The following POLI variants were observed in gnomAD, a reference collection of about 807,000 sequenced individuals.
The protein encoded by POLI is DNA polymerase iota.
A neutral mutation model predicts 51.6 loss-of-function variants in POLI; 58 were observed. That is an observed-to-expected ratio of 1.12 (90% CI 0.91 to 1.40). The LOEUF is 1.40. Among genes scored for constraint, POLI ranks in the 40% most tolerant of loss-of-function variants. The pLI is 0.00. For missense variants in POLI, 921 were observed against 871.3 expected, an observed-to-expected ratio of 1.06 and a Z score of -0.72; for synonymous variants, 322 against 299.7, an observed-to-expected ratio of 1.07 and a Z score of -0.77.
chr18:54,274,565 TTATA>T (rs1234991182), intron 3 of POLI, among the ~76,000 whole-genome samples: 1 of 151,810 alleles, frequency 6.6e-6, no homozygotes, highest in African/African-American at 2.4e-5. Context: ...TTCTTAGGTT[TTATA>T]TATATACTAA....
At chr18:54,284,833 G>A (rs1030065757) in intron 7 of POLI, 1 of 152,176 alleles carries the variant, frequency 6.6e-6, no homozygotes, top group Non-Finnish European at 1.5e-5. Context: ...ATTTAATTTT[G>A]TGGTGCTCCT....
At chr18:54,311,021 G>T (rs2088662710) in intron 3 of POLI, 2 of 745,420 alleles carry the variant, frequency 2.7e-6, no homozygotes, top group South Asian at 6.0e-5. Context: ...GCTTCCTGAA[G>T]TGCTAGGAAG....
intron 4 of POLI, among the ~76,000 whole-genome samples, chr18:54,279,162 A>T (rs995299577): frequency 1.3e-5 from 2 of 152,068 alleles, no homozygotes; most frequent in African/African-American, 4.8e-5. Flanking sequence ...TTCCTCTTTC[A>T]TACAGATTTT....
chr18:54,282,969 G>C lies in POLI; in HGVS notation c.929G>C (p.Ser310Thr), dbSNP rs2087580468. The change falls in exon 6 of 10, where the codon AGT becomes ACT. Residue 310 changes from serine (S) to threonine (T), a missense_variant. Physicochemically the swap from Ser to Thr is moderately conservative, Grantham distance 58 (BLOSUM62 1). Transcript: ENST00000579534. ...GTTGCTCAGCGTATCCAAAAGCTCA[G>C]TTTTGGAGAGGATAACTCCCCTGTG... is the stretch of plus-strand genomic sequence containing the variant. ...ISVAQRIQKL[S>T]FGEDNSPVIL... 3 of 1,611,190 alleles carry C rather than the reference G, an allele frequency of 1.9e-6. No individual in the cohort carries two copies. Among genetic ancestry groups the C allele is most frequent in the Middle Eastern group, 1.7e-4 (1 of 6,056 alleles).
chr18:54,297,733 C>T lies in POLI; in HGVS notation c.*3266C>T. 4 of 971,178 alleles carry T rather than the reference C, an allele frequency of 4.1e-6. No homozygotes were observed. The highest frequency in any genetic ancestry group is 4.9e-6 in the Non-Finnish European group (4 of 817,016). 60.2% of individuals were successfully genotyped at this position (971,178 alleles called of 1,614,324 possible). On this transcript the variant is annotated 3_prime_UTR_variant, in exon 10 of 10. Coordinates refer to ENST00000579534, the MANE Select transcript of POLI (RefSeq NM_007195.3). ...CTTAAACATCTAAAAATGCTACCCT[C>T]TTTCCAAACAACACAAAGGTATTGA...
In POLI at chr18:54,295,846, T is replaced by C. The variant is rs1016161709; in HGVS notation, c.*1379T>C. On this transcript the variant is annotated 3_prime_UTR_variant, in exon 10 of 10. Coordinates refer to ENST00000579534, the MANE Select transcript of POLI (RefSeq NM_007195.3). ...TTTCACCATATTGGCCAGGCTGGTC[T>C]CGAACTCCTGGTCTCAGGTGATCCT... is the stretch of plus-strand genomic sequence containing the variant. 7 of 455,258 alleles carry C rather than the reference T, an allele frequency of 1.5e-5. No individual in the cohort carries two copies. Among genetic ancestry groups the C allele is most frequent in the Non-Finnish European group, 2.0e-5 (7 of 345,732 alleles). 28.2% of individuals were successfully genotyped at this position (455,258 alleles called of 1,614,324 possible). A position where few individuals can be genotyped will look rare whatever the true frequency, so the allele number is the denominator to read the frequency against.
intron 3 of POLI, among the ~76,000 whole-genome samples, chr18:54,305,061 C>T (rs1319545258): frequency 6.6e-6 from 1 of 152,192 alleles, no homozygotes; most frequent in East Asian, 1.9e-4. Flanking sequence ...TGTCAAAGAT[C>T]AGATGGTTGT....
intron 8 of POLI, among the ~76,000 whole-genome samples, chr18:54,288,676 T>A (rs905477450): frequency 6.6e-6 from 1 of 152,092 alleles, no homozygotes; most frequent in South Asian, 2.1e-4. Context: ...GTGGATAATT[T>A]GTATTGAGCT....
intron 4 of POLI, among the ~76,000 whole-genome samples, chr18:54,280,435 A>G (rs1159022510): frequency 4.6e-5 from 7 of 152,016 alleles, no homozygotes; most frequent in Non-Finnish European, 8.8e-5. Context: ...TGAGGGATCC[A>G]CCCCTGTGAT....
chr18:54,280,755 G>A lies in POLI; in HGVS notation c.648G>A (p.Leu216=). The A allele has an allele frequency of 8.7e-6, 14 of 1,613,736 alleles. No homozygotes were observed. Among genetic ancestry groups the A allele is most frequent in the Non-Finnish European group, 1.2e-5 (14 of 1,179,720 alleles). ...AEMREAMYNQ[L]GLTGCAGVAS... is the part of the protein sequence containing the mutation. ...TGCGGGAAGCCATGTATAATCAGTT[G>A]GGGCTCACTGGCTGTGCTGGAGTGG... Residue 216 remains leucine, a synonymous_variant, in exon 5 of 10, where the codon TTG becomes TTA. Coordinates refer to ENST00000579534, the MANE Select transcript of POLI (RefSeq NM_007195.3).
chr18:54,294,578 A>T lies in POLI; in HGVS notation c.*111A>T, dbSNP rs1033928215. The T allele has an allele frequency of 7.3e-7, 1 of 1,374,234 alleles. No homozygotes were observed. The highest frequency in any genetic ancestry group is 1.5e-5 in the African/African-American group (1 of 68,570). 85.1% of individuals were successfully genotyped at this position (1,374,234 alleles called of 1,614,324 possible). A position where few individuals can be genotyped will look rare whatever the true frequency, so the allele number is the denominator to read the frequency against. On this transcript the variant is annotated 3_prime_UTR_variant, in exon 10 of 10. Coordinates refer to ENST00000579534, the MANE Select transcript of POLI (RefSeq NM_007195.3). Reference sequence around the variant, plus strand: ...TAATAGATATTCAATAACGGAGTAAACTGTTCCAGATAAAGCAAGAATAGT... The same window carrying T: ...TAATAGATATTCAATAACGGAGTAATCTGTTCCAGATAAAGCAAGAATAGT...
In POLI at chr18:54,294,897, A is replaced by G. The variant is rs2088236871; in HGVS notation, c.*430A>G. On this transcript the variant is annotated 3_prime_UTR_variant, in exon 10 of 10. Coordinates refer to ENST00000579534, the MANE Select transcript of POLI (RefSeq NM_007195.3). ...TGAATAGCAAATCCTACTGCCAACT[A>G]ACCTATTAAAAATATAGATAGTTTT... 1.0e-6 allele frequency: 1 copy of G among 982,270 alleles called. No homozygotes were observed. The highest frequency in any genetic ancestry group is 6.1e-5 in the Admixed American group (1 of 16,278). The allele number at this position is 982,270 out of a possible 1,614,324, so 60.8% of individuals were successfully genotyped here.
rs554781027 is a variant in POLI at position 54,306,707 on chromosome 18, AC to A, written c.334-13565del. Among the ~76,000 whole-genome samples, 372 of 152,048 alleles carry A rather than the reference AC, an allele frequency of 2.4e-3. 1 individual carries two copies. The highest frequency in any genetic ancestry group is 4.3e-3 in the Non-Finnish European group (289 of 67,970). ...CGGCTGTGAATTCATCTGTTCCTGG[AC>A]TTTTTTTGGTTGGTAGGCTATTAAT... On this transcript the variant is annotated intron_variant, in intron 3 of 4. Coordinates refer to the POLI transcript ENST00000579823.
intron 9 of POLI, 116 bp downstream of exon 9, chr18:54,292,154 A>T (rs1427293995): frequency 1.1e-5 from 7 of 660,660 alleles, no homozygotes; most frequent in Non-Finnish European, 1.8e-5. Context: ...CTTTTGGGTG[A>T]TATTGTTTAG....
chr18:54,283,649 C>T (rs957788384), intron 6 of POLI: 1 of 191,254 alleles, frequency 5.2e-6, no homozygotes, highest in Non-Finnish European at 1.1e-5. Flanking sequence ...GGAGTTGGTA[C>T]TAGAGCTTTA....
At chr18:54,277,035 T>C (rs1398179250) in intron 3 of POLI, among the ~76,000 whole-genome samples, 2 of 152,210 alleles carry the variant, frequency 1.3e-5, no homozygotes, top group Admixed American at 1.3e-4. Flanking sequence ...GATAGTTTTT[T>C]TGAATTTATT....
At chr18:54,284,700 A>G (rs1041819890) in intron 7 of POLI, 2 of 152,422 alleles carry the variant, frequency 1.3e-5, no homozygotes, top group Non-Finnish European at 1.5e-5. Context: ...AAGAATGGCT[A>G]GCTGGCGCTG....
chr18:54,288,303 A>C (rs1345757710), intron 8 of POLI, among the ~76,000 whole-genome samples: 2 of 152,126 alleles, frequency 1.3e-5, no homozygotes, highest in Non-Finnish European at 2.9e-5. Context: ...TGCCTAACTC[A>C]AAGGTCACAG....
rs981854976 is a variant in POLI at position 54,298,130 on chromosome 18, TA to T, written c.*3667del. The T allele has an allele frequency of 1.9e-5, 16 of 832,202 alleles. No individual in the cohort carries two copies. The African/African-American group carries it at 2.6e-4, about 13-fold the overall frequency. 51.6% of individuals were successfully genotyped at this position (832,202 alleles called of 1,614,324 possible). ...TTCAATATTAAAAAAACTTCTATTT[TA>T]AAATCTGTATATAGAAAGGTACATA... is the stretch of plus-strand genomic sequence containing the variant. On this transcript the variant is annotated 3_prime_UTR_variant, in exon 10 of 10. Transcript: ENST00000579534.
Sources: allele counts gnomAD v4.1 joint callset (sites outside exome capture counted in the v4.1 genomes callset), GRCh38; gene constraint gnomAD v4.1.1; transcripts MANE v1.5; gene names NCBI Gene and HGNC (gene_info 2026-07-23, HGNC 2026-07-21).